Variants in IGFL2 observed in about 807,000 individuals in gnomAD.
IGFL2 encodes the protein insulin growth factor-like family member 2.
Under a neutral mutation model 13.9 loss-of-function variants are expected in IGFL2, and 7 were observed. The ratio of observed to expected loss-of-function variants is 0.51; its 90% CI spans 0.29 to 0.95. The LOEUF is 0.95. IGFL2 is among the 40% of genes least tolerant of loss of function. IGFL2 has a pLI of 0.08. For synonymous variants in IGFL2, 55 were observed against 55.8 expected (o/e 0.99, Z 0.07); for missense variants, 138 against 147.8 (o/e 0.93, Z 0.34).
chr19:46,088,708 A>G, the IGFL2 span, among the ~76,000 whole-genome samples: 1 of 152,236 alleles, frequency 6.6e-6, no homozygotes, highest in African/African-American at 2.4e-5. Context: ...ATGAAGTTAC[A>G]AAACAATGTG....
the IGFL2 span, among the ~76,000 whole-genome samples, chr19:46,136,028 C>CT: frequency 8.4e-4 from 128 of 152,198 alleles, 2 homozygotes; most frequent in Middle Eastern, 0.017. Context: ...AATATTTTTT[C>CT]TTTATATTGA....
the IGFL2 span, among the ~76,000 whole-genome samples, chr19:46,188,785 C>A: frequency 6.6e-6 from 1 of 152,220 alleles, no homozygotes; most frequent in Non-Finnish European, 1.5e-5. Context: ...CCTACCCTTG[C>A]CTGACAGCTC....
Position 46,148,895 on chromosome 19 carries a change from A to G in IGFL2, c.19+598A>G, listed in dbSNP as rs1029407706. The G allele has an allele frequency of 3.0e-5, 47 of 1,547,180 alleles. No individual in the cohort carries two copies. The African/African-American group carries it at 5.2e-4, about 17-fold the overall frequency. On this transcript the variant is annotated intron_variant, in intron 1 of 3. Transcript: ENST00000377693. ...AGATCTGCAATCTGTTGGGACTGTG[A>G]TGAGGGGATCATCCTGCCCTCGAAC...
At chr19:46,175,294 T>G in the IGFL2 span, among the ~76,000 whole-genome samples, 146 of 152,270 alleles carry the variant, frequency 9.6e-4, no homozygotes, top group African/African-American at 3.2e-3. Context: ...AATTGAATAA[T>G]TCACAGTGAG....
At chr19:46,108,431 C>G in the IGFL2 span, among the ~76,000 whole-genome samples, 16,149 of 151,972 alleles carry the variant, frequency 0.11, 1,188 homozygotes, top group African/African-American at 0.2. Flanking sequence ...TGTATTGACA[C>G]CAAGTAATGT....
chr19:46,143,569 A>G (rs1271432773), upstream of IGFL2, among the ~76,000 whole-genome samples: 1 of 151,982 alleles, frequency 6.6e-6, no homozygotes, highest in Non-Finnish European at 1.5e-5. Context: ...CCCAGCCAGT[A>G]GTTACATTTT....
chr19:46,214,887 G>C, the IGFL2 span: 1 of 122,896 alleles, frequency 8.1e-6, no homozygotes, highest in Admixed American at 8.1e-5. Context: ...AAACACACGC[G>C]TGCGCGCACA....
the IGFL2 span, among the ~76,000 whole-genome samples, chr19:46,104,130 A>G: frequency 1.3e-5 from 2 of 152,184 alleles, no homozygotes; most frequent in Non-Finnish European, 2.9e-5. Flanking sequence ...TTTCCTGTCT[A>G]GCCTGCTGGA....
chr19:46,186,917 C>CTTTATTTTTTT, the IGFL2 span, among the ~76,000 whole-genome samples: 88 of 152,290 alleles, frequency 5.8e-4, no homozygotes, highest in African/African-American at 2.0e-3. Context: ...AAAAAATAAC[C>CTTTATTTTTTT]TAAGTTTATT....
the IGFL2 span, among the ~76,000 whole-genome samples, chr19:46,180,424 G>A: frequency 6.6e-6 from 1 of 152,142 alleles, no homozygotes; most frequent in Admixed American, 6.6e-5. Flanking sequence ...TGATCCGCCT[G>A]CCTTGGCCTC....
the IGFL2 span, among the ~76,000 whole-genome samples, chr19:46,170,302 T>C: frequency 6.6e-6 from 1 of 152,156 alleles, no homozygotes; most frequent in East Asian, 1.9e-4. Flanking sequence ...AGAACATAAA[T>C]TGTGAAGATT....
the IGFL2 span, among the ~76,000 whole-genome samples, chr19:46,168,899 AGTGT>A: frequency 3.6e-3 from 503 of 140,690 alleles, 3 homozygotes; most frequent in African/African-American, 0.012. Context: ...CAGTAGATTG[AGTGT>A]GTGTGTGTGT....
chr19:46,095,901 G>T, the IGFL2 span, among the ~76,000 whole-genome samples: 1 of 151,982 alleles, frequency 6.6e-6, no homozygotes, highest in East Asian at 1.9e-4. Flanking sequence ...TGTCTGTTTT[G>T]GTACCAGTAC....
At chr19:46,108,838 G>A in the IGFL2 span, among the ~76,000 whole-genome samples, 1 of 152,362 alleles carries the variant, frequency 6.6e-6, no homozygotes, top group East Asian at 1.9e-4. Context: ...CGTCTCTTCT[G>A]TCTCTACCAG....
At chr19:46,102,577 T>G in the IGFL2 span, among the ~76,000 whole-genome samples, 166 of 152,026 alleles carry the variant, frequency 1.1e-3, no homozygotes, top group Middle Eastern at 3.4e-3. Context: ...TGTCACAAAG[T>G]CAATTGATCA....
rs1974124220 is a variant in IGFL2 at position 46,160,795 on chromosome 19, C to T, written c.255C>T (p.Gly85=). The change falls in exon 3 of 4, where the codon GGC becomes GGT. Residue 85 remains glycine, a synonymous_variant. Coordinates refer to ENST00000377693, the MANE Select transcript of IGFL2 (RefSeq NM_001135113.2). ...CFELCCLDSF[G]LTNDFVVKLK... ...AGCTCTGCTGTCTTGATTCCTTTGG[C>T]CTCACAAACGATTTTGTTGTGAAGC... 1.9e-6 allele frequency: 3 copies of T among 1,614,074 alleles called. No individual in the cohort carries two copies. The highest frequency in any genetic ancestry group is 4.5e-5 in the East Asian group (2 of 44,874).
At chr19:46,182,365 T>TTA in the IGFL2 span, among the ~76,000 whole-genome samples, 2 of 78,692 alleles carry the variant, frequency 2.5e-5, no homozygotes, top group African/African-American at 4.6e-5. Flanking sequence ...AGACTTTGCC[T>TTA]AAAAAAAAAA....
At chr19:46,084,250 G>C in the IGFL2 span, among the ~76,000 whole-genome samples, 1 of 152,212 alleles carries the variant, frequency 6.6e-6, no homozygotes, top group African/African-American at 2.4e-5. Flanking sequence ...CAGTTGAGAA[G>C]AATGTGTATT....
the IGFL2 span, among the ~76,000 whole-genome samples, chr19:46,121,828 T>C: frequency 6.6e-6 from 1 of 151,024 alleles, no homozygotes; most frequent in Non-Finnish European, 1.5e-5. Context: ...CTGGGGATTT[T>C]ATAGGTTGGT....
Sources: gnomAD v4.1 joint callset for allele counts (sites outside exome capture counted in the v4.1 genomes callset) on GRCh38, gnomAD v4.1.1 for gene constraint, MANE v1.5 for transcripts, NCBI Gene and HGNC (gene_info 2026-07-23, HGNC 2026-07-21) for gene names.